The following EFHB variants were observed in gnomAD, a reference collection of about 807,000 sequenced individuals.
The protein encoded by EFHB is EF-hand domain-containing family member B.
Under a neutral mutation model 87.2 loss-of-function variants are expected in EFHB, and 91 were observed. The observed-to-expected ratio is 1.04, with a 90% CI of 0.88 to 1.24. The LOEUF is 1.24. Ranked by LOEUF, EFHB falls within the 50% of genes most tolerant of loss-of-function variation. The probability of loss-of-function intolerance (pLI) is 0.00; values close to 1 mark genes in which losing one functional copy is unlikely to be tolerated. For synonymous variants in EFHB, 325 were observed against 333.6 expected (o/e 0.97, Z 0.28); for missense variants, 1,084 against 998.8 (o/e 1.09, Z -1.15).
At chr3:19,927,793 G>A (rs980577019) in intron 1 of EFHB, among the ~76,000 whole-genome samples, 5 of 151,842 alleles carry the variant, frequency 3.3e-5, no homozygotes, top group African/African-American at 9.7e-5. Flanking sequence ...TGAGACTCAG[G>A]GGCATCAAAT....
In EFHB at chr3:19,901,764, A is replaced by G. The variant is rs112255853; in HGVS notation, c.1419-2249T>C. On this transcript the variant is annotated intron_variant, in intron 6 of 12. Coordinates refer to ENST00000295824, the MANE Select transcript of EFHB (RefSeq NM_144715.4). ...CAGGAGTTCGAGATCAGCCTGGCCC[A>G]CATGGCAAAACCCCATCTCTACTAA... Among the ~76,000 whole-genome samples the G allele has an allele frequency of 7.8e-3, 1,188 of 152,270 alleles. 11 individuals are homozygous for G. The highest frequency in any genetic ancestry group is 0.025 in the African/African-American group (1,024 of 41,562).
At position 19,888,506 on chromosome 3, in the gene EFHB, T is replaced by C; in HGVS notation, c.1871A>G (p.Asn624Ser). The C allele has an allele frequency of 6.3e-7, 1 of 1,576,868 alleles. No homozygotes were observed. The highest frequency in any genetic ancestry group is 8.6e-7 in the Non-Finnish European group (1 of 1,159,366). ...CATTTTGTCTTTCCAGTTAAGAAAA[T>C]TTGCGAATTCCAGATAGTTAATGAA... is the stretch of plus-strand genomic sequence containing the variant. ...DGFINYLEFA[N>S]FLNWKDKMLL... is the part of the protein sequence containing the mutation. The change falls in exon 10 of 13, where the codon AAT becomes AGT. Residue 624 changes from asparagine to serine, a missense_variant. By Grantham distance (46) the Asn-to-Ser change is conservative. Coordinates refer to ENST00000295824, the MANE Select transcript of EFHB (RefSeq NM_144715.4).
intron 1 of EFHB, among the ~76,000 whole-genome samples, chr3:19,941,924 G>T (rs895118902): frequency 6.6e-6 from 1 of 151,456 alleles, no homozygotes; most frequent in Non-Finnish European, 1.5e-5. Flanking sequence ...GAGGCTGAGG[G>T]GGGGCAGATC....
rs763259991 is a variant in EFHB, at chr3:19,919,858, C to T, written c.971G>A (p.Gly324Glu). ...CAGTACTGAAATTTTAGATCTAATT[C>T]CATGTGTCAAATAAGGTGCAATCTG... The part of the protein sequence containing the change: ...DPQIAPYLTH[G>E]IRSKISVLAN... Residue 324 changes from glycine (G) to glutamate (E), a missense_variant, in exon 3 of 13, where the codon GGA (glycine) becomes GAA (glutamate). Gly to Glu is a moderately conservative substitution (Grantham distance 98). Transcript: ENST00000295824. The T allele has an allele frequency of 5.0e-6, 8 of 1,613,034 alleles. No individual in the cohort carries two copies. In the East Asian group the frequency reaches 1.6e-4, roughly 31 times the overall value.
In EFHB at chr3:19,918,415, A is replaced by G; in HGVS notation, c.997-3T>C. ...TGTGGGTTTATCAATGTGTTTGCCT[A>G]AAGAAATCATACAATGCACAAATAT... On this transcript the variant is annotated splice_region_variant and splice_polypyrimidine_tract_variant and intron_variant, in intron 3 of 12. Coordinates refer to ENST00000295824, the MANE Select transcript of EFHB (RefSeq NM_144715.4). The G allele has an allele frequency of 6.3e-7, 1 of 1,581,470 alleles. No individual in the cohort carries two copies. The highest frequency in any genetic ancestry group is 8.6e-7 in the Non-Finnish European group (1 of 1,168,954).
rs776312787 is a variant in EFHB, at chr3:19,884,402, C to T, written c.2146+1G>A. ...TAAAACTTGACAAATAAGTGACATA[C>T]AAGTAGAAGGAATGGCTCCTACAAT... On this transcript the variant is annotated splice_donor_variant, in intron 11 of 12. Transcript: ENST00000295824. LOFTEE classifies it high-confidence loss of function. 1 of 1,612,190 alleles carries T rather than the reference C, an allele frequency of 6.2e-7. No homozygotes were observed. Among genetic ancestry groups the T allele is most frequent in the East Asian group, 2.2e-5 (1 of 44,844 alleles).
At chr3:19,904,747 T>A (rs1299178191) in intron 6 of EFHB, among the ~76,000 whole-genome samples, 1 of 152,166 alleles carries the variant, frequency 6.6e-6, no homozygotes, top group African/African-American at 2.4e-5. Flanking sequence ...ACAAAGACCC[T>A]TTTTCCACAC....
intron 11 of EFHB, among the ~76,000 whole-genome samples, chr3:19,884,040 G>A (rs910489900): frequency 1.3e-5 from 2 of 152,130 alleles, no homozygotes; most frequent in African/African-American, 4.8e-5. Flanking sequence ...TTATGTAAAA[G>A]CTCTTTAAAT....
chr3:19,917,607 G>T (rs1695277962), intron 4 of EFHB, among the ~76,000 whole-genome samples: 2 of 152,130 alleles, frequency 1.3e-5, no homozygotes, highest in South Asian at 4.2e-4. Context: ...ATCTGAGAAA[G>T]GTGTAAAGAA....
At chr3:19,908,598 GAGAAAGAAAGAAAGAAAGAA>G (rs767343345) in intron 5 of EFHB, among the ~76,000 whole-genome samples, 39 of 77,848 alleles carry the variant, frequency 5.0e-4, no homozygotes, top group African/African-American at 1.6e-3. Context: ...GAGAGAGAGA[GAGAAAGAAAGAAAGAAAGAA>G]AGAAAGAAAG....
At chr3:19,893,880 C>T (rs1694388272) in intron 9 of EFHB, among the ~76,000 whole-genome samples, 1 of 152,180 alleles carries the variant, frequency 6.6e-6, no homozygotes, top group Admixed American at 6.5e-5. Flanking sequence ...AATTATTGAA[C>T]CTAACTGAGA....
At chr3:19,908,351 G>T (rs142973178) in intron 5 of EFHB, among the ~76,000 whole-genome samples, 20 of 152,036 alleles carry the variant, frequency 1.3e-4, no homozygotes, top group African/African-American at 3.6e-4. Context: ...TGACCAACAC[G>T]GTGAAACCCA....
At chr3:19,899,622 C>A (rs1028322683) in intron 6 of EFHB, 107 bp from the exon 7 acceptor site, 31 of 653,396 alleles carry the variant, frequency 4.7e-5, no homozygotes, top group Non-Finnish European at 6.3e-5. Flanking sequence ...CTTCCAGGAA[C>A]AAATGTAGTT....
intron 9 of EFHB, among the ~76,000 whole-genome samples, chr3:19,891,413 C>G (rs533276789): frequency 6.6e-6 from 1 of 152,270 alleles, no homozygotes; most frequent in East Asian, 1.9e-4. Context: ...TGAAGCAAAG[C>G]CACTGGCTCA....
rs1224509718 is a variant in EFHB, at chr3:19,933,447, T to C, written c.572A>G (p.Glu191Gly). Reference sequence around the variant, plus strand: ...GGCTTGGGTTAGTCCAATGTCCACCTCCACAGGAAGCTTAATCTCTGTGTT... The same window carrying C: ...GGCTTGGGTTAGTCCAATGTCCACCCCCACAGGAAGCTTAATCTCTGTGTT... ...KPNTEIKLPV[E>G]VDIGLTQAEG... The change falls in exon 1 of 13, where the codon GAG becomes GGG. Residue 191 changes from glutamate to glycine, a missense_variant. Transcript: ENST00000295824. 6.2e-7 allele frequency: 1 copy of C among 1,614,034 alleles called. No homozygotes were observed. The highest frequency in any genetic ancestry group is 1.7e-5 in the Admixed American group (1 of 60,028).
intron 5 of EFHB, among the ~76,000 whole-genome samples, chr3:19,908,568 G>GAAAGAGAGAAAGAGAGAA (rs60117540): frequency 3.5e-5 from 3 of 85,244 alleles, no homozygotes; most frequent in Non-Finnish European, 6.6e-5. Flanking sequence ...GAGAAAGAGA[G>GAAAGAGAGAAAGAGAGAA]AGAGAGAGAG....
Position 19,899,535 on chromosome 3 carries a change from T to C in EFHB, c.1419-20A>G. On this transcript the variant is annotated intron_variant, in intron 6 of 12. Transcript: ENST00000295824. ...CTTTTCCTGCAAAATTAGAACATTA[T>C]CAGGTATCTCTATTACCTAAAGTAT... 1 of 1,578,086 alleles carries C rather than the reference T, an allele frequency of 6.3e-7. No homozygotes were observed. Among genetic ancestry groups the C allele is most frequent in the Non-Finnish European group, 8.6e-7 (1 of 1,160,268 alleles).
intron 9 of EFHB, among the ~76,000 whole-genome samples, chr3:19,891,780 C>G (rs1003466335): frequency 6.6e-6 from 1 of 152,134 alleles, no homozygotes; most frequent in Non-Finnish European, 1.5e-5. Flanking sequence ...GCTGATCAAG[C>G]CTGAACCATC....
chr3:19,888,123 A>C (rs911050624), intron 10 of EFHB, among the ~76,000 whole-genome samples: 1 of 152,180 alleles, frequency 6.6e-6, no homozygotes, highest in South Asian at 2.1e-4. Context: ...TCCATGCATA[A>C]ACAAGCAAAT....
Sources: allele counts gnomAD v4.1 joint callset (sites outside exome capture counted in the v4.1 genomes callset), GRCh38; gene constraint gnomAD v4.1.1; transcripts MANE v1.5; gene names NCBI Gene and HGNC (gene_info 2026-07-23, HGNC 2026-07-21).